Variants in GRID2 observed in about 807,000 individuals in gnomAD.
GRID2 encodes glutamate ionotropic receptor delta type subunit 2.
A neutral mutation model predicts 114.8 loss-of-function variants in GRID2; 33 were observed. The observed-to-expected ratio is 0.29, with a 90% CI of 0.22 to 0.38. The LOEUF is 0.38. Ranked by LOEUF, GRID2 falls within the 10% of genes least tolerant of loss-of-function variation. The pLI is 1.00. For missense variants in GRID2, 1,184 were observed against 1,257.7 expected (o/e 0.94, Z 0.89); for synonymous variants, 505 against 449.9 (o/e 1.12, Z -1.55).
At chr4:93,160,150 T>C (rs1430636590) in intron 4 of GRID2, among the ~76,000 whole-genome samples, 1 of 151,728 alleles carries the variant, frequency 6.6e-6, no homozygotes, top group African/African-American at 2.4e-5. Flanking sequence ...GAAAACTGTA[T>C]GGATAATTCG....
Position 93,066,527 on chromosome 4 carries a change from G to A in GRID2, c.245-18468G>A, listed in dbSNP as rs566631597. Among the ~76,000 whole-genome samples the A allele has an allele frequency of 2.2e-4, 33 of 151,958 alleles. No homozygotes were observed. In the South Asian group the frequency reaches 2.5e-3, roughly 12 times the overall value. ...ACATTGGTCCTCCCTCGTTTACAGG[G>A]AATACATCCGAGACTTCTGGTAGAC... is the stretch of plus-strand genomic sequence containing the variant. On this transcript the variant is annotated intron_variant, in intron 2 of 15. Transcript: ENST00000282020.
At chr4:93,677,138 G>A (rs1157933517) in intron 14 of GRID2, among the ~76,000 whole-genome samples, 1 of 152,192 alleles carries the variant, frequency 6.6e-6, no homozygotes, top group Admixed American at 6.5e-5. Flanking sequence ...CCCGCACCTG[G>A]CTCGGAGGGT....
At chr4:93,659,466 T>G (rs1338842014) in intron 14 of GRID2, among the ~76,000 whole-genome samples, 2 of 152,142 alleles carry the variant, frequency 1.3e-5, no homozygotes, top group Non-Finnish European at 1.5e-5. Flanking sequence ...TATATTTAAC[T>G]TAAAAAAATG....
chr4:92,647,886 A>G (rs1262430754), intron 2 of GRID2, among the ~76,000 whole-genome samples: 1 of 149,772 alleles, frequency 6.7e-6, no homozygotes, highest in Non-Finnish European at 1.5e-5. Context: ...GTTGAATTAG[A>G]CAGAATGGCC....
At chr4:93,711,608 G>T (rs1202807069) in intron 14 of GRID2, among the ~76,000 whole-genome samples, 3 of 152,130 alleles carry the variant, frequency 2.0e-5, no homozygotes, top group African/African-American at 7.2e-5. Context: ...GCTAGGGATG[G>T]TCTAAATGCT....
intron 4 of GRID2, among the ~76,000 whole-genome samples, chr4:93,196,612 T>A (rs1453544831): frequency 1.3e-5 from 2 of 152,130 alleles, no homozygotes; most frequent in East Asian, 3.9e-4. Flanking sequence ...TCATCAACGA[T>A]GAGCTACTTA....
chr4:93,607,216 A>G (rs1036551131), intron 13 of GRID2, among the ~76,000 whole-genome samples: 17 of 152,116 alleles, frequency 1.1e-4, no homozygotes, highest in Non-Finnish European at 2.1e-4. Flanking sequence ...TTCTCTAAGC[A>G]TTTTTAATAA....
At chr4:93,608,311 A>T (rs868340939) in intron 13 of GRID2, among the ~76,000 whole-genome samples, 1,240 of 115,086 alleles carry the variant, frequency 0.011, 2 homozygotes, top group African/African-American at 0.029. Context: ...TTTTTTTTTA[A>T]TTTTTTTTTT....
At chr4:92,403,700 AT>A in intron 1 of GRID2, among the ~76,000 whole-genome samples, 1 of 77,262 alleles carries the variant, frequency 1.3e-5, no homozygotes, top group South Asian at 4.5e-4. Flanking sequence ...TCAAAAATAA[AT>A]AAATAAATAA....
chr4:93,549,926 T>C (rs1442980442), intron 13 of GRID2, among the ~76,000 whole-genome samples: 1 of 152,122 alleles, frequency 6.6e-6, no homozygotes, highest in Non-Finnish European at 1.5e-5. Flanking sequence ...GCTTCTTGCT[T>C]ACCCTGCAAC....
intron 2 of GRID2, among the ~76,000 whole-genome samples, chr4:92,644,782 CT>C (rs1350735610): frequency 4.6e-5 from 7 of 151,552 alleles, no homozygotes; most frequent in Middle Eastern, 6.8e-3. Context: ...TTCAAATAAA[CT>C]TTCTCAAATT....
At chr4:93,500,753 G>T (rs1004798284) in intron 12 of GRID2, among the ~76,000 whole-genome samples, 3 of 152,024 alleles carry the variant, frequency 2.0e-5, no homozygotes, top group African/African-American at 4.8e-5. Context: ...CTAGCACTGA[G>T]ATCAGGTTGC....
rs139484499 is a variant in GRID2, at chr4:93,369,133, A to C, written c.1246-26474A>C. Among the ~76,000 whole-genome samples, 132 of 151,998 alleles carry C rather than the reference A, an allele frequency of 8.7e-4. 2 individuals are homozygous for C. The East Asian group carries it at 0.022, about 25-fold the overall frequency. ...ACAAGCAAGGTATCAGCAGGGCTGC[A>C]CTCCCCCTAAAGGCTTTGGGGGAGA... On this transcript the variant is annotated intron_variant, in intron 8 of 15. Transcript: ENST00000282020.
chr4:92,831,521 C>A (rs750620586), intron 2 of GRID2, among the ~76,000 whole-genome samples: 11 of 149,176 alleles, frequency 7.4e-5, no homozygotes, highest in Non-Finnish European at 1.3e-4. Flanking sequence ...ACCTGCATGG[C>A]TTTGAGCAAG....
chr4:92,524,185 A>G (rs190354299), intron 1 of GRID2, among the ~76,000 whole-genome samples: 216 of 152,126 alleles, frequency 1.4e-3, no homozygotes, highest in African/African-American at 5.0e-3. Flanking sequence ...AAATACTTGC[A>G]GAAGAAAATA....
chr4:93,128,060 C>CAAAAAAAAAAAAAAAAAAAA (rs752622895), intron 4 of GRID2, among the ~76,000 whole-genome samples: 1 of 68,858 alleles, frequency 1.5e-5, no homozygotes, highest in African/African-American at 5.2e-5. Flanking sequence ...AAAAAAAAAA[C>CAAAAAAAAAAAAAAAAAAAA]AACAGTACGT....
intron 1 of GRID2, among the ~76,000 whole-genome samples, chr4:92,507,829 T>C (rs1724051834): frequency 6.6e-6 from 1 of 151,952 alleles, no homozygotes; most frequent in African/African-American, 2.4e-5. Context: ...CAAGGTATTC[T>C]AGTATGTGCT....
chr4:92,688,081 C>T (rs1734008773), intron 2 of GRID2, among the ~76,000 whole-genome samples: 2 of 87,886 alleles, frequency 2.3e-5, no homozygotes, highest in African/African-American at 4.3e-5. Context: ...TGGAGTTTCG[C>T]TCTCGTTGCC....
chr4:92,517,156 A>G (rs998434791), intron 1 of GRID2, among the ~76,000 whole-genome samples: 6 of 151,900 alleles, frequency 3.9e-5, no homozygotes, highest in South Asian at 2.1e-4. Context: ...TTTCAATCAT[A>G]AAGTCAGAAT....
Sources: allele counts gnomAD v4.1 joint callset (sites outside exome capture counted in the v4.1 genomes callset), GRCh38; gene constraint gnomAD v4.1.1; transcripts MANE v1.5; gene names NCBI Gene and HGNC (gene_info 2026-07-23, HGNC 2026-07-21).